The following UNC5D variants were observed in gnomAD, a reference collection of about 807,000 sequenced individuals.
UNC5D encodes unc-5 netrin receptor D.
Under a neutral mutation model 105.4 loss-of-function variants are expected in UNC5D, and 39 were observed. The observed-to-expected ratio is 0.37, with a 90% CI of 0.29 to 0.48. The LOEUF (loss-of-function observed/expected upper bound fraction) is 0.48. UNC5D is among the 20% of genes least tolerant of loss of function. The pLI, the probability that UNC5D is intolerant of heterozygous loss-of-function variation, is 0.98. For synonymous variants in UNC5D, 452 were observed against 450.4 expected (o/e 1.00, Z -0.04); for missense variants, 991 against 1,202.4 (o/e 0.82, Z 2.60).
chr8:35,602,813 C>A (rs967232220), intron 4 of UNC5D, among the ~76,000 whole-genome samples: 1 of 151,814 alleles, frequency 6.6e-6, no homozygotes. Flanking sequence ...TGCTGGTGCG[C>A]TGCACCCACT....
At chr8:35,486,837 C>G (rs552277807) in intron 1 of UNC5D, among the ~76,000 whole-genome samples, 102 of 152,150 alleles carry the variant, frequency 6.7e-4, no homozygotes, top group African/African-American at 1.3e-3. Flanking sequence ...ATAGAAGAAG[C>G]CTTTTCTTCT....
At position 35,609,509 on chromosome 8, in the gene UNC5D, A is replaced by G. The variant is rs1820539219; in HGVS notation, c.570+13852A>G. ...TTGGAGAAGGAACGTGAAAATGTTCATACCCTTCCACAGTCGTGGTGTCCT... is the reference window on the plus strand; with the variant it reads ...TTGGAGAAGGAACGTGAAAATGTTCGTACCCTTCCACAGTCGTGGTGTCCT... On this transcript the variant is annotated intron_variant, in intron 4 of 16. Transcript: ENST00000404895. 1.3e-5 allele frequency among the ~76,000 whole-genome samples: 2 copies of G among 152,214 alleles called. 1 individual carries two copies. The highest frequency in any genetic ancestry group is 4.1e-4 in the South Asian group (2 of 4,834).
At chr8:35,789,169 A>ATATATATATATATATG (rs1802903837) in intron 16 of UNC5D, among the ~76,000 whole-genome samples, 2 of 96,132 alleles carry the variant, frequency 2.1e-5, no homozygotes, top group East Asian at 6.2e-4. Context: ...ATATATATAT[A>ATATATATATATATATG]TATATATATA....
intron 1 of UNC5D, among the ~76,000 whole-genome samples, chr8:35,249,555 C>T (rs952498538): frequency 2.4e-5 from 3 of 127,208 alleles, no homozygotes; most frequent in African/African-American, 8.7e-5. Context: ...GAAACTCTGT[C>T]TCAAAATAAT....
intron 10 of UNC5D, chr8:35,726,735 T>C (rs1427360437): frequency 1.4e-6 from 1 of 728,106 alleles, no homozygotes; most frequent in Non-Finnish European, 2.2e-6. Flanking sequence ...TCAGCATGGA[T>C]TGAATGCTCC....
At chr8:35,774,531 A>AGT in intron 16 of UNC5D, 54 bp downstream of exon 16, 1 of 1,592,384 alleles carries the variant, frequency 6.3e-7, no homozygotes. Context: ...TTGGAAACAT[A>AGT]AAGTGGGCTA....
intron 1 of UNC5D, among the ~76,000 whole-genome samples, chr8:35,337,337 C>T (rs1237893108): frequency 6.6e-6 from 1 of 152,068 alleles, no homozygotes; most frequent in Non-Finnish European, 1.5e-5. Context: ...TTTGAGGATT[C>T]TTAGAGACAG....
rs919577163 is a variant in UNC5D, at chr8:35,426,535, C to G, written c.104-122757C>G. ...TCTTTGCTCTGCTAAACATACTCTT[C>G]TAGTATCACACTAGGAGAGTTATTT... On this transcript the variant is annotated intron_variant, in intron 1 of 16. Coordinates refer to ENST00000404895, the MANE Select transcript of UNC5D (RefSeq NM_080872.4). Among the ~76,000 whole-genome samples, 147 of 152,250 alleles carry G rather than the reference C, an allele frequency of 9.7e-4. 1 individual carries two copies. The highest frequency in any genetic ancestry group is 2.9e-4 in the Non-Finnish European group (20 of 68,024).
chr8:35,239,335 A>G (rs150935946), intron 1 of UNC5D, among the ~76,000 whole-genome samples: 114 of 152,240 alleles, frequency 7.5e-4, no homozygotes, highest in African/African-American at 2.6e-3. Flanking sequence ...TGTCTTATTG[A>G]TTAGGAAATC....
chr8:35,285,956 A>G (rs769084913), intron 1 of UNC5D, among the ~76,000 whole-genome samples: 4 of 146,408 alleles, frequency 2.7e-5, no homozygotes, highest in Non-Finnish European at 6.1e-5. Flanking sequence ...CAGAAACATT[A>G]GAAACGTAAG....
intron 1 of UNC5D, among the ~76,000 whole-genome samples, chr8:35,379,710 G>C (rs1261742129): frequency 6.6e-6 from 1 of 151,982 alleles, no homozygotes; most frequent in Non-Finnish European, 1.5e-5. Flanking sequence ...GAAAACCTGT[G>C]ACTTAATGAG....
At chr8:35,289,770 G>T (rs1177033051) in intron 1 of UNC5D, among the ~76,000 whole-genome samples, 8 of 152,178 alleles carry the variant, frequency 5.3e-5, no homozygotes, top group Non-Finnish European at 1.0e-4. Flanking sequence ...CATATAAATG[G>T]CCAATAGGTA....
intron 1 of UNC5D, among the ~76,000 whole-genome samples, chr8:35,374,160 C>T (rs929238392): frequency 2.0e-5 from 3 of 152,200 alleles, no homozygotes; most frequent in African/African-American, 7.2e-5. Flanking sequence ...ACTGTACCTT[C>T]ACTTTGCTTT....
At chr8:35,252,949 T>C (rs1803812352) in intron 1 of UNC5D, among the ~76,000 whole-genome samples, 1 of 152,220 alleles carries the variant, frequency 6.6e-6, no homozygotes, top group African/African-American at 2.4e-5. Flanking sequence ...AGGGAGTTGA[T>C]TTCCATCTCC....
At chr8:35,452,002 T>G (rs1227309177) in intron 1 of UNC5D, among the ~76,000 whole-genome samples, 2 of 152,176 alleles carry the variant, frequency 1.3e-5, no homozygotes, top group Non-Finnish European at 2.9e-5. Flanking sequence ...TTAGCTCCTT[T>G]GTTTAATTAA....
intron 9 of UNC5D, among the ~76,000 whole-genome samples, chr8:35,723,136 C>G (rs377681600): frequency 6.6e-6 from 1 of 152,034 alleles, no homozygotes; most frequent in African/African-American, 2.4e-5. Flanking sequence ...CTACCTTGAC[C>G]CTCATCGTCA....
At chr8:35,535,965 A>T (rs933503761) in intron 1 of UNC5D, among the ~76,000 whole-genome samples, 3 of 152,208 alleles carry the variant, frequency 2.0e-5, no homozygotes, top group Admixed American at 1.3e-4. Flanking sequence ...TAGGTTAAAT[A>T]TCTTGCCTAA....
chr8:35,514,137 G>A (rs1279728654), intron 1 of UNC5D, among the ~76,000 whole-genome samples: 1 of 152,210 alleles, frequency 6.6e-6, no homozygotes, highest in African/African-American at 2.4e-5. Flanking sequence ...ACCCTCAGCT[G>A]AGTCCATTTT....
intron 1 of UNC5D, among the ~76,000 whole-genome samples, chr8:35,538,006 T>C (rs1159671422): frequency 3.3e-5 from 5 of 152,184 alleles, no homozygotes; most frequent in African/African-American, 1.2e-4. Flanking sequence ...ATACATGATA[T>C]CCATGAATAG....
Sources: allele counts gnomAD v4.1 joint callset (sites outside exome capture counted in the v4.1 genomes callset), GRCh38; gene constraint gnomAD v4.1.1; transcripts MANE v1.5; gene names NCBI Gene and HGNC (gene_info 2026-07-23, HGNC 2026-07-21).